ARHGEF28: variants seen among roughly 807,000 people sequenced by gnomAD.
The protein encoded by ARHGEF28 is 190 kDa guanine nucleotide exchange factor.
Under a neutral mutation model 206.6 loss-of-function variants are expected in ARHGEF28, and 152 were observed. The ratio of observed to expected loss-of-function variants is 0.74; its 90% CI spans 0.64 to 0.84. The LOEUF is 0.84. ARHGEF28 is among the 40% of genes least tolerant of loss of function. The pLI is 0.00. For synonymous variants in ARHGEF28, 763 were observed against 776.4 expected, an observed-to-expected ratio of 0.98 and a Z score of 0.29; for missense variants, 2,028 against 2,073.2, an observed-to-expected ratio of 0.98 and a Z score of 0.42.
chr5:73,910,034 T>C, intron 34 of ARHGEF28, 137 bp downstream of exon 34: 1 of 1,288,432 alleles, frequency 7.8e-7, no homozygotes, highest in Non-Finnish European at 1.0e-6. Flanking sequence ...AATTTGTAGG[T>C]AGCCAAAGCT....
intron 1 of ARHGEF28, among the ~76,000 whole-genome samples, chr5:73,680,121 G>T (rs550050765): frequency 6.6e-6 from 1 of 151,998 alleles, no homozygotes; most frequent in Non-Finnish European, 1.5e-5. Context: ...GTTTTCGATA[G>T]AACACTATTT....
intron 1 of ARHGEF28, among the ~76,000 whole-genome samples, chr5:73,653,570 T>G (rs1313431969): frequency 6.6e-6 from 1 of 152,220 alleles, no homozygotes; most frequent in Non-Finnish European, 1.5e-5. Flanking sequence ...AGCTTCTGCC[T>G]CCTTGTGTCT....
At chr5:73,747,610 T>C (rs1467032886) in intron 2 of ARHGEF28, among the ~76,000 whole-genome samples, 1 of 152,238 alleles carries the variant, frequency 6.6e-6, no homozygotes, top group African/African-American at 2.4e-5. Flanking sequence ...TCTGTTGGTT[T>C]CTGTATCACC....
chr5:73,883,875 T>G lies in ARHGEF28; in HGVS notation c.3046T>G (p.Tyr1016Asp). ...YPVLVERILQYTKERTEEHKD... is the reference protein window; with the variant it reads ...YPVLVERILQDTKERTEEHKD... Reference sequence around the variant, plus strand: ...TGTCTTGGTGGAAAGGATATTGCAGTACACAAAGGGTAAGTTGTGACTTCT... The same window carrying G: ...TGTCTTGGTGGAAAGGATATTGCAGGACACAAAGGGTAAGTTGTGACTTCT... The change falls in exon 24 of 36, where the codon TAC (tyrosine) becomes GAC (aspartate). Residue 1016 changes from tyrosine to aspartate, a missense_variant. This residue lies in a region of ARHGEF28 where 223 missense variants were observed against 289.9 expected (regional missense o/e 0.77). Coordinates refer to ENST00000513042, the MANE Select transcript of ARHGEF28 (RefSeq NM_001177693.2). 1 of 1,541,716 alleles carries G rather than the reference T, an allele frequency of 6.5e-7. No homozygotes were observed.
intron 3 of ARHGEF28, 40 bp from the exon 4 acceptor site, chr5:73,752,869 T>G (rs1423089962): frequency 1.2e-6 from 2 of 1,609,370 alleles, no homozygotes; most frequent in Admixed American, 1.7e-5. Context: ...GAGCATCTCC[T>G]ACAGACTTGG....
intron 2 of ARHGEF28, among the ~76,000 whole-genome samples, chr5:73,740,677 T>A (rs1751325567): frequency 6.6e-6 from 1 of 152,226 alleles, no homozygotes; most frequent in African/African-American, 2.4e-5. Flanking sequence ...TTGTTCTTCA[T>A]ATGACAGCAT....
intron 10 of ARHGEF28, among the ~76,000 whole-genome samples, chr5:73,836,875 A>C (rs1223879961): frequency 6.6e-6 from 1 of 151,946 alleles, no homozygotes; most frequent in Non-Finnish European, 1.5e-5. Flanking sequence ...TTTTTTTTGC[A>C]TGTAGCTATC....
chr5:73,636,163 G>T (rs1008020196), intron 1 of ARHGEF28, among the ~76,000 whole-genome samples: 1 of 152,092 alleles, frequency 6.6e-6, no homozygotes, highest in African/African-American at 2.4e-5. Context: ...AAATGTTTTA[G>T]TGTTAATAAA....
At chr5:73,940,075 C>T (rs1328826429) in intron 35 of ARHGEF28, among the ~76,000 whole-genome samples, 1 of 152,078 alleles carries the variant, frequency 6.6e-6, no homozygotes, top group Non-Finnish European at 1.5e-5. Context: ...ATGGCTGAGC[C>T]TGAGGGTGAG....
chr5:73,856,421 T>A (rs1759039756), intron 14 of ARHGEF28, among the ~76,000 whole-genome samples: 1 of 152,174 alleles, frequency 6.6e-6, no homozygotes, highest in African/African-American at 2.4e-5. Flanking sequence ...ATAACACTGT[T>A]CTGACTATAC....
chr5:73,894,337 A>G (rs960335140), intron 28 of ARHGEF28, 56 bp from the exon 29 acceptor site: 16 of 1,484,214 alleles, frequency 1.1e-5, no homozygotes, highest in Admixed American at 8.3e-5. Context: ...GGACTTTCAC[A>G]TTAGTGGTTG....
intron 15 of ARHGEF28, 133 bp downstream of exon 15, chr5:73,857,912 G>C (rs1326155613): frequency 5.8e-6 from 8 of 1,381,606 alleles, no homozygotes; most frequent in Non-Finnish European, 7.8e-6. Context: ...ATGGAATATT[G>C]CTAAAGCCCA....
chr5:73,872,450 T>C (rs767347845), intron 21 of ARHGEF28, among the ~76,000 whole-genome samples: 5 of 152,184 alleles, frequency 3.3e-5, no homozygotes, highest in Non-Finnish European at 7.3e-5. Context: ...CTTTTCACTT[T>C]CTTGATGATG....
chr5:73,773,765 A>G (rs1753374690), intron 4 of ARHGEF28, 90 bp from the exon 5 acceptor site: 1 of 1,189,930 alleles, frequency 8.4e-7, no homozygotes, highest in African/African-American at 1.5e-5. Context: ...CATTCTTATT[A>G]TGTCTAAATA....
Position 73,937,831 on chromosome 5 carries a change from G to A in ARHGEF28, c.4949-3013G>A, listed in dbSNP as rs542907680. On this transcript the variant is annotated intron_variant, in intron 35 of 35. Transcript: ENST00000513042. ...AGGGTAAAAAGTGTGGAAAAAGGTGGCTGGCCTTGAGAAATATACAATTGC... is the reference window on the plus strand; with the variant it reads ...AGGGTAAAAAGTGTGGAAAAAGGTGACTGGCCTTGAGAAATATACAATTGC... 2.0e-5 allele frequency among the ~76,000 whole-genome samples: 3 copies of A among 152,252 alleles called. No homozygotes were observed. The South Asian group carries it at 6.2e-4, about 32-fold the overall frequency.
At chr5:73,633,014 G>T (rs911683800) in intron 1 of ARHGEF28, among the ~76,000 whole-genome samples, 1 of 151,718 alleles carries the variant, frequency 6.6e-6, no homozygotes, top group Non-Finnish European at 1.5e-5. Flanking sequence ...TCCTACCTGG[G>T]GCTGATGGGA....
At position 73,912,210 on chromosome 5, in the gene ARHGEF28, A is replaced by G. The variant is rs77245913; in HGVS notation, c.4948+635A>G. Among the ~76,000 whole-genome samples the G allele has an allele frequency of 4.0e-3, 615 of 152,324 alleles. 27 individuals carry two copies. The East Asian group carries it at 0.099, about 24-fold the overall frequency. Reference sequence around the variant, plus strand: ...ACATGAATCCGAATGATTTAAATCTATGTCTATTATAAATTGTTTTCTGGG... The same window carrying G: ...ACATGAATCCGAATGATTTAAATCTGTGTCTATTATAAATTGTTTTCTGGG... On this transcript the variant is annotated intron_variant, in intron 35 of 35. Coordinates refer to ENST00000513042, the MANE Select transcript of ARHGEF28 (RefSeq NM_001177693.2).
chr5:73,938,216 CCCCGTT>C (rs1262424464), intron 35 of ARHGEF28, among the ~76,000 whole-genome samples: 1 of 148,206 alleles, frequency 6.7e-6, no homozygotes, highest in Non-Finnish European at 1.5e-5. Context: ...CCATCCCCAT[CCCCGTT>C]CATTCTTGGT....
chr5:73,824,624 C>T (rs1307690995), intron 9 of ARHGEF28, among the ~76,000 whole-genome samples: 7 of 152,194 alleles, frequency 4.6e-5, no homozygotes, highest in South Asian at 2.1e-4. Context: ...TGCGCCATCA[C>T]GCCCGGCTAA....
Sources: allele counts gnomAD v4.1 joint callset (sites outside exome capture counted in the v4.1 genomes callset), GRCh38; gene constraint gnomAD v4.1.1; regional missense constraint gnomAD v4.1.1; transcripts MANE v1.5; gene names NCBI Gene and HGNC (gene_info 2026-07-23, HGNC 2026-07-21).